CNKSR3: variants seen among roughly 807,000 people sequenced by gnomAD.
CNKSR3 encodes CNKSR family member 3.
CNKSR3 carries 36 observed loss-of-function variants against 67.7 expected under a neutral mutation model. That is an observed-to-expected ratio of 0.53 (90% CI 0.41 to 0.70). CNKSR3 has a LOEUF of 0.70. CNKSR3 is among the 30% of genes least tolerant of loss of function. CNKSR3 has a pLI of 0.00. For missense variants in CNKSR3, 630 were observed against 695.2 expected (o/e 0.91, Z 1.05); for synonymous variants, 281 against 271.4 (o/e 1.04, Z -0.35).
At chr6:154,480,570 T>C (rs1786545843) in intron 1 of CNKSR3, among the ~76,000 whole-genome samples, 1 of 152,214 alleles carries the variant, frequency 6.6e-6, no homozygotes, top group Non-Finnish European at 1.5e-5. Context: ...AGTCAATGCT[T>C]ACTACATGGA....
intron 1 of CNKSR3, among the ~76,000 whole-genome samples, chr6:154,471,892 T>C (rs1337699286): frequency 6.6e-6 from 1 of 152,198 alleles, no homozygotes; most frequent in African/African-American, 2.4e-5. Flanking sequence ...GGGGTTTTGA[T>C]GGACAATTCT....
chr6:154,426,556 C>G (rs1252928476), intron 7 of CNKSR3, among the ~76,000 whole-genome samples: 3 of 152,000 alleles, frequency 2.0e-5, no homozygotes, highest in Non-Finnish European at 2.9e-5. Context: ...GGGGTTTCAC[C>G]ATGTTAGCCA....
chr6:154,479,740 A>C (rs907917435), intron 1 of CNKSR3, among the ~76,000 whole-genome samples: 1 of 152,266 alleles, frequency 6.6e-6, no homozygotes, highest in African/African-American at 2.4e-5. Flanking sequence ...TTTTAAAAAA[A>C]ATAAAGTGTC....
At chr6:154,493,347 C>A (rs1200271543) in intron 1 of CNKSR3, among the ~76,000 whole-genome samples, 1 of 152,196 alleles carries the variant, frequency 6.6e-6, no homozygotes, top group Non-Finnish European at 1.5e-5. Flanking sequence ...ATGAATTTTA[C>A]AATCATCTTT....
intron 9 of CNKSR3, 94 bp from the exon 10 acceptor site, chr6:154,414,517 C>G (rs1784978663): frequency 7.5e-7 from 1 of 1,337,446 alleles, no homozygotes; most frequent in Non-Finnish European, 1.0e-6. Context: ...CAACACCAAC[C>G]CCGTGTCTGA....
chr6:154,431,392 C>T (rs1183650806), intron 5 of CNKSR3, among the ~76,000 whole-genome samples: 8 of 145,546 alleles, frequency 5.5e-5, no homozygotes, highest in African/African-American at 1.8e-4. Flanking sequence ...TGCAGTAAGC[C>T]GAGTCGCACC....
rs1785794226 is a variant in CNKSR3 at position 154,450,135 on chromosome 6, T to C, written c.176A>G (p.Gln59Arg). 1.2e-6 allele frequency: 2 copies of C among 1,614,030 alleles called. No homozygotes were observed. The highest frequency in any genetic ancestry group is 1.7e-5 in the Admixed American group (1 of 59,990). Reference sequence around the variant, plus strand: ...GTCCACAGCCTCCAACACAAGCTCCTGGTGTCCAATCCGTGTGACCCCCAG... The same window carrying C: ...GTCCACAGCCTCCAACACAAGCTCCCGGTGTCCAATCCGTGTGACCCCCAG... ...EELGVTRIGH[Q>R]ELVLEAVDLL... is the part of the protein sequence containing the mutation. Residue 59 changes from glutamine to arginine, a missense_variant, in exon 2 of 13, where the codon CAG becomes CGG. This residue lies in a region of CNKSR3 where 189 missense variants were observed against 205.0 expected (regional missense o/e 0.92). Transcript: ENST00000607772.
intron 7 of CNKSR3, among the ~76,000 whole-genome samples, chr6:154,425,747 T>C (rs1339758960): frequency 6.6e-6 from 1 of 152,210 alleles, no homozygotes; most frequent in Non-Finnish European, 1.5e-5. Flanking sequence ...AGGCCTTGCT[T>C]GCTTCAGCCT....
intron 7 of CNKSR3, among the ~76,000 whole-genome samples, chr6:154,424,803 G>A (rs1315840221): frequency 1.3e-5 from 2 of 151,946 alleles, no homozygotes; most frequent in African/African-American, 4.8e-5. Flanking sequence ...TCTCACTCAC[G>A]CTCAGTCACC....
chr6:154,481,403 C>CT (rs11395619), intron 1 of CNKSR3, among the ~76,000 whole-genome samples: 20,749 of 151,694 alleles, frequency 0.14, 1,528 homozygotes, highest in South Asian at 0.18. Context: ...TTTATTTGTG[C>CT]TTGTTTGATA....
chr6:154,451,770 T>C (rs1188310690), intron 1 of CNKSR3, among the ~76,000 whole-genome samples: 3 of 152,128 alleles, frequency 2.0e-5, no homozygotes, highest in Non-Finnish European at 2.9e-5. Context: ...TTTGGGGCTA[T>C]TAAATATAGG....
intron 4 of CNKSR3, among the ~76,000 whole-genome samples, chr6:154,440,779 T>C (rs1469413136): frequency 6.6e-6 from 1 of 152,194 alleles, no homozygotes; most frequent in Non-Finnish European, 1.5e-5. Context: ...GATTGCCCTC[T>C]AGCCCTGACC....
intron 1 of CNKSR3, among the ~76,000 whole-genome samples, chr6:154,501,851 G>A (rs1344484646): frequency 6.6e-6 from 1 of 152,100 alleles, no homozygotes; most frequent in Non-Finnish European, 1.5e-5. Context: ...ACCTAAAACC[G>A]AGAAGATTCC....
chr6:154,431,440 CAAAAAA>C (rs34060385), intron 5 of CNKSR3, among the ~76,000 whole-genome samples: 9 of 93,546 alleles, frequency 9.6e-5, no homozygotes, highest in Middle Eastern at 6.0e-3. Flanking sequence ...GAGACTCTGT[CAAAAAA>C]AAAAAAAAAA....
At chr6:154,501,577 G>C (rs11155979) in intron 1 of CNKSR3, among the ~76,000 whole-genome samples, 41,460 of 151,614 alleles carry the variant, frequency 0.27, 5,766 homozygotes, top group Middle Eastern at 0.31. Context: ...CCCTCTCCTA[G>C]AATGCCCTTC....
At chr6:154,470,943 A>G (rs1562347859) in intron 1 of CNKSR3, among the ~76,000 whole-genome samples, 1 of 152,198 alleles carries the variant, frequency 6.6e-6, no homozygotes, top group East Asian at 1.9e-4. Flanking sequence ...CACCAACACT[A>G]GTTATCATCC....
chr6:154,443,157 C>G (rs2128717957), intron 2 of CNKSR3, among the ~76,000 whole-genome samples: 1 of 152,276 alleles, frequency 6.6e-6, no homozygotes, highest in East Asian at 1.9e-4. Flanking sequence ...CTCGGCCTCT[C>G]AAAGTACTGG....
chr6:154,406,275 G>C lies in CNKSR3; in HGVS notation c.*79C>G. 7.4e-7 allele frequency: 1 copy of C among 1,354,590 alleles called. No individual in the cohort carries two copies. Among genetic ancestry groups the C allele is most frequent in the Non-Finnish European group, 1.0e-6 (1 of 991,982 alleles). The allele number at this position is 1,354,590 out of a possible 1,614,324, so 83.9% of individuals were successfully genotyped here. A position where few individuals can be genotyped will look rare whatever the true frequency, so the allele number is the denominator to read the frequency against. On this transcript the variant is annotated 3_prime_UTR_variant, in exon 13 of 13. Coordinates refer to ENST00000607772, the MANE Select transcript of CNKSR3 (RefSeq NM_173515.4). ...AAGGTCCCTACATAATACTGAGGCT[G>C]AAACGAGAAGAGGCTGTCCACTGTA... is the stretch of plus-strand genomic sequence containing the variant.
At position 154,406,129 on chromosome 6, in the gene CNKSR3, C is replaced by T; in HGVS notation, c.*225G>A. 1.8e-6 allele frequency: 1 copy of T among 549,826 alleles called. No individual in the cohort carries two copies. 34.1% of individuals were successfully genotyped at this position (549,826 alleles called of 1,614,324 possible). A position where few individuals can be genotyped will look rare whatever the true frequency, so the allele number is the denominator to read the frequency against. ...GGAAGCAAGACAAACAGGCTCTACCCATTTCCCTCCTTTTGTCTCCACAAG... is the reference window on the plus strand; with the variant it reads ...GGAAGCAAGACAAACAGGCTCTACCTATTTCCCTCCTTTTGTCTCCACAAG... On this transcript the variant is annotated 3_prime_UTR_variant, in exon 13 of 13. Transcript: ENST00000607772.
Sources: gnomAD v4.1 joint callset for allele counts (sites outside exome capture counted in the v4.1 genomes callset) on GRCh38, gnomAD v4.1.1 for gene constraint, gnomAD v4.1.1 regional missense constraint, MANE v1.5 for transcripts, NCBI Gene and HGNC (gene_info 2026-07-23, HGNC 2026-07-21) for gene names.